The following PRMT9 variants were observed in gnomAD, a reference collection of about 807,000 sequenced individuals.
PRMT9 encodes protein arginine N-methyltransferase 9.
A neutral mutation model predicts 83.2 loss-of-function variants in PRMT9; 59 were observed. That is an observed-to-expected ratio of 0.71 (90% CI 0.57 to 0.88). PRMT9 has a LOEUF of 0.88. PRMT9 is among the 40% of genes least tolerant of loss of function. The pLI, the probability that PRMT9 is intolerant of heterozygous loss-of-function variation, is 0.00. For missense variants in PRMT9, 947 were observed against 1,021.9 expected, an observed-to-expected ratio of 0.93 and a Z score of 1.00; for synonymous variants, 333 against 353.2, an observed-to-expected ratio of 0.94 and a Z score of 0.64.
intron 8 of PRMT9, 46 bp from the exon 9 acceptor site, chr4:147,654,612 G>T: frequency 8.1e-7 from 1 of 1,230,510 alleles, no homozygotes; most frequent in Non-Finnish European, 1.2e-6. Flanking sequence ...GTACTTATAA[G>T]CCAGAGGATC....
rs372927933 is a variant in PRMT9, at chr4:147,654,528, C to T, written c.1369G>A (p.Val457Ile). The change falls in exon 9 of 12, where the codon GTA becomes ATA. Residue 457 changes from valine (V) to isoleucine (I), a missense_variant. Val to Ile is a conservative substitution (Grantham distance 29). Coordinates refer to ENST00000322396, the MANE Select transcript of PRMT9 (RefSeq NM_138364.4). ...IKPGDHVMME[V>I]SCQDCYLRIQ... ...CTTAAGTAACAGTCTTGACAAGATA[C>T]TTCCATCATCACATGGTCTCCAGGC... The T allele has an allele frequency of 3.1e-6, 5 of 1,613,462 alleles. No individual in the cohort carries two copies. Among genetic ancestry groups the T allele is most frequent in the African/African-American group, 2.7e-5 (2 of 74,906 alleles).
rs1239028471 is a variant in PRMT9 at position 147,655,424 on chromosome 4, A to G, written c.1331-858T>C. ...GTGTTCCTCTTGCCTCAGCCTTCCAATGTGTTGGGATTACAGGCGTGAGCC... is the reference window on the plus strand; with the variant it reads ...GTGTTCCTCTTGCCTCAGCCTTCCAGTGTGTTGGGATTACAGGCGTGAGCC... On this transcript the variant is annotated intron_variant, in intron 8 of 11. Transcript: ENST00000322396. Among the ~76,000 whole-genome samples, 7 of 152,170 alleles carry G rather than the reference A, an allele frequency of 4.6e-5. No individual in the cohort carries two copies. In the East Asian group the frequency reaches 7.7e-4, roughly 17 times the overall value.
At chr4:147,653,368 G>A (rs1419708893) in intron 9 of PRMT9, among the ~76,000 whole-genome samples, 2 of 151,866 alleles carry the variant, frequency 1.3e-5, no homozygotes, top group Non-Finnish European at 2.9e-5. Context: ...TTTGAACCCA[G>A]GAGGCGGAGG....
At chr4:147,641,706 G>A (rs1012699565) in intron 10 of PRMT9, among the ~76,000 whole-genome samples, 1 of 152,040 alleles carries the variant, frequency 6.6e-6, no homozygotes, top group Non-Finnish European at 1.5e-5. Flanking sequence ...CTATCACCCA[G>A]GCTGGAGTGC....
intron 6 of PRMT9, chr4:147,661,259 A>C (rs1277709749): frequency 1.8e-5 from 6 of 332,130 alleles, no homozygotes; most frequent in Non-Finnish European, 5.3e-6. Flanking sequence ...ATGTCTGCTC[A>C]CTAAAAAAAA....
intron 7 of PRMT9, among the ~76,000 whole-genome samples, chr4:147,659,354 T>A (rs1188195827): frequency 6.7e-6 from 1 of 149,486 alleles, no homozygotes; most frequent in Non-Finnish European, 1.5e-5. Flanking sequence ...TGAGCCAAGA[T>A]CGCACCACTG....
rs1366764499 is a variant in PRMT9 at position 147,678,601 on chromosome 4, T to C, written c.338+1722A>G. Among the ~76,000 whole-genome samples, 3 of 152,210 alleles carry C rather than the reference T, an allele frequency of 2.0e-5. No homozygotes were observed. In the South Asian group the frequency reaches 6.2e-4, roughly 31 times the overall value. Reference sequence around the variant, plus strand: ...GGAGGGTTCTCACTATCCTAACTGATAGTATTCCTAAACTGATTATACAAA... The same window carrying C: ...GGAGGGTTCTCACTATCCTAACTGACAGTATTCCTAAACTGATTATACAAA... On this transcript the variant is annotated intron_variant, in intron 2 of 11. Transcript: ENST00000322396.
chr4:147,664,941 C>G (rs1735223266), intron 6 of PRMT9, among the ~76,000 whole-genome samples: 1 of 151,484 alleles, frequency 6.6e-6, no homozygotes, highest in Non-Finnish European at 1.5e-5. Flanking sequence ...ATGATGAAAC[C>G]CCTCTCTACT....
intron 4 of PRMT9, among the ~76,000 whole-genome samples, chr4:147,672,292 A>G (rs552986328): frequency 2.6e-5 from 4 of 152,350 alleles, no homozygotes; most frequent in African/African-American, 9.6e-5. Context: ...TCTTCTTTCA[A>G]TACAAACTGA....
At chr4:147,675,137 C>T (rs1021463763) in intron 2 of PRMT9, among the ~76,000 whole-genome samples, 112 of 152,260 alleles carry the variant, frequency 7.4e-4, no homozygotes, top group African/African-American at 2.5e-3. Context: ...TGCGCCACCA[C>T]GTCCGGCTAA....
At chr4:147,677,244 T>C (rs1736148629) in intron 2 of PRMT9, among the ~76,000 whole-genome samples, 2 of 151,776 alleles carry the variant, frequency 1.3e-5, no homozygotes, top group Non-Finnish European at 2.9e-5. Flanking sequence ...AAATTTTTTG[T>C]TTTCACCAGT....
At chr4:147,660,437 G>A (rs556695140) in intron 7 of PRMT9, among the ~76,000 whole-genome samples, 18 of 152,180 alleles carry the variant, frequency 1.2e-4, no homozygotes, top group Admixed American at 1.0e-3. Context: ...TGAGACCAGC[G>A]TGGGCAACAT....
At position 147,638,458 on chromosome 4, in the gene PRMT9, C is replaced by T. The variant is rs1030025131; in HGVS notation, c.*74G>A. On this transcript the variant is annotated 3_prime_UTR_variant, in exon 12 of 12. Coordinates refer to ENST00000322396, the MANE Select transcript of PRMT9 (RefSeq NM_138364.4). ...GACCATTACAAGGAATTTTTATATA[C>T]CCCCACTAATTAAGACAAGAATTTT... The T allele has an allele frequency of 2.8e-6, 3 of 1,067,796 alleles. No individual in the cohort carries two copies. Among genetic ancestry groups the T allele is most frequent in the Non-Finnish European group, 4.4e-6 (3 of 687,644 alleles). 66.1% of individuals were successfully genotyped at this position (1,067,796 alleles called of 1,614,324 possible).
intron 6 of PRMT9, among the ~76,000 whole-genome samples, chr4:147,668,125 T>A (rs540766641): frequency 3.9e-4 from 59 of 152,340 alleles, no homozygotes; most frequent in African/African-American, 1.3e-3. Context: ...CAATATTTAC[T>A]ATTTAAATAG....
chr4:147,644,858 G>T (rs1234070555), intron 9 of PRMT9, among the ~76,000 whole-genome samples: 2 of 152,208 alleles, frequency 1.3e-5, no homozygotes, highest in Middle Eastern at 3.2e-3. Context: ...CCAGTGAAAT[G>T]GAGGTGGAGG....
At chr4:147,649,934 A>T (rs770674113) in intron 9 of PRMT9, among the ~76,000 whole-genome samples, 12 of 152,248 alleles carry the variant, frequency 7.9e-5, no homozygotes, top group African/African-American at 2.9e-4. Context: ...AGACCACATG[A>T]TCATCTCAAT....
At chr4:147,676,979 G>C (rs554669119) in intron 2 of PRMT9, among the ~76,000 whole-genome samples, 1 of 151,144 alleles carries the variant, frequency 6.6e-6, no homozygotes, top group Non-Finnish European at 1.5e-5. Flanking sequence ...GGGAGGCGGA[G>C]GTTGCAGTGA....
intron 2 of PRMT9, among the ~76,000 whole-genome samples, chr4:147,677,786 CA>C (rs1242499532): frequency 6.6e-6 from 1 of 151,916 alleles, no homozygotes; most frequent in Non-Finnish European, 1.5e-5. Flanking sequence ...CAACTGTTAA[CA>C]AAAAATTCTA....
At chr4:147,650,727 TAAAC>T (rs1182136888) in intron 9 of PRMT9, among the ~76,000 whole-genome samples, 1 of 152,144 alleles carries the variant, frequency 6.6e-6, no homozygotes, top group African/African-American at 2.4e-5. Context: ...TTCCTGACCT[TAAAC>T]AAACTACAAA....
Sources: allele counts gnomAD v4.1 joint callset (sites outside exome capture counted in the v4.1 genomes callset), GRCh38; gene constraint gnomAD v4.1.1; transcripts MANE v1.5; gene names NCBI Gene and HGNC (gene_info 2026-07-23, HGNC 2026-07-21).